Variants in PCCA observed in about 807,000 individuals in gnomAD.
The protein encoded by PCCA is propionyl-CoA carboxylase subunit alpha.
PCCA carries 74 observed loss-of-function variants against 101.3 expected under a neutral mutation model. The ratio of observed to expected loss-of-function variants is 0.73; its 90% confidence interval spans 0.61 to 0.89. PCCA has a LOEUF of 0.89. Among genes scored for constraint, PCCA ranks in the 40% least tolerant of loss-of-function variants. The pLI is 0.00. For synonymous variants in PCCA, 294 were observed against 313.6 expected, an observed-to-expected ratio of 0.94 and a Z score of 0.66; for missense variants, 891 against 907.0, an observed-to-expected ratio of 0.98 and a Z score of 0.23.
At chr13:100,380,065 A>T (rs1399612029) in intron 19 of PCCA, among the ~76,000 whole-genome samples, 2 of 152,132 alleles carry the variant, frequency 1.3e-5, no homozygotes, top group Non-Finnish European at 2.9e-5. Context: ...ACACACACGA[A>T]AAAACAAAAA....
At chr13:100,147,809 T>A (rs2052763194) in intron 4 of PCCA, among the ~76,000 whole-genome samples, 1 of 152,228 alleles carries the variant, frequency 6.6e-6, no homozygotes, top group Admixed American at 6.5e-5. Flanking sequence ...AGTGACATTC[T>A]TCAAATGTAT....
chr13:100,372,031 C>T (rs1268552754), intron 19 of PCCA, among the ~76,000 whole-genome samples: 1 of 152,146 alleles, frequency 6.6e-6, no homozygotes, highest in Non-Finnish European at 1.5e-5. Flanking sequence ...AGAGCTAATG[C>T]TATAAAATTC....
intron 19 of PCCA, among the ~76,000 whole-genome samples, chr13:100,416,804 C>T (rs563343791): frequency 5.9e-5 from 9 of 151,566 alleles, no homozygotes; most frequent in African/African-American, 1.5e-4. Flanking sequence ...ATTACAGGTG[C>T]GTGAGCCACC....
chr13:100,333,244 G>A (rs2069917751), intron 17 of PCCA, among the ~76,000 whole-genome samples: 1 of 152,130 alleles, frequency 6.6e-6, no homozygotes, highest in African/African-American at 2.4e-5. Context: ...TCTTTTGACT[G>A]TTTGATATAT....
chr13:100,154,707 A>C, intron 4 of PCCA: 1 of 411,282 alleles, frequency 2.4e-6, no homozygotes, highest in Non-Finnish European at 4.5e-6. Context: ...AGGAAGCTAA[A>C]ATTGTTTGCT....
At chr13:100,242,251 G>A (rs2061184363) in intron 8 of PCCA, among the ~76,000 whole-genome samples, 1 of 152,190 alleles carries the variant, frequency 6.6e-6, no homozygotes, top group Non-Finnish European at 1.5e-5. Context: ...GTAACCAAAA[G>A]AGAGCTGGGG....
At chr13:100,118,705 C>T (rs372259252) in intron 4 of PCCA, among the ~76,000 whole-genome samples, 116 of 152,116 alleles carry the variant, frequency 7.6e-4, no homozygotes, top group African/African-American at 1.8e-3. Context: ...CATGCCACCA[C>T]GCCTGGCTGA....
At chr13:100,119,387 G>A (rs2049140622) in intron 4 of PCCA, among the ~76,000 whole-genome samples, 1 of 152,056 alleles carries the variant, frequency 6.6e-6, no homozygotes, top group South Asian at 2.1e-4. Flanking sequence ...TTTCAAGATG[G>A]TTTGGGTTAT....
intron 15 of PCCA, among the ~76,000 whole-genome samples, chr13:100,308,947 T>C (rs1199021770): frequency 1.3e-5 from 2 of 152,224 alleles, no homozygotes; most frequent in Admixed American, 1.3e-4. Flanking sequence ...CACTAAATCA[T>C]GTAGAATAGT....
intron 12 of PCCA, among the ~76,000 whole-genome samples, chr13:100,292,833 A>G (rs1388086705): frequency 1.3e-5 from 2 of 152,126 alleles, no homozygotes; most frequent in African/African-American, 4.8e-5. Context: ...TGGAAACTGA[A>G]ATCTTCCAAA....
At chr13:100,204,078 A>G (rs1324846096) in intron 6 of PCCA, among the ~76,000 whole-genome samples, 1 of 151,648 alleles carries the variant, frequency 6.6e-6, no homozygotes, top group Non-Finnish European at 1.5e-5. Context: ...ATCATGGAAT[A>G]GTATTAAAAA....
chr13:100,162,108 GTGTC>G (rs907964062), intron 6 of PCCA, among the ~76,000 whole-genome samples: 26 of 133,070 alleles, frequency 2.0e-4, no homozygotes, highest in Non-Finnish European at 2.6e-4. Flanking sequence ...GTGTGTGTGT[GTGTC>G]TGTCTGTCTG....
chr13:100,125,721 T>C (rs187112453), intron 4 of PCCA, among the ~76,000 whole-genome samples: 1 of 152,214 alleles, frequency 6.6e-6, no homozygotes, highest in African/African-American at 2.4e-5. Context: ...TTTCTTTTAT[T>C]GTCTTTGGAA....
At chr13:100,389,277 A>G (rs1320768973) in intron 19 of PCCA, among the ~76,000 whole-genome samples, 2 of 152,204 alleles carry the variant, frequency 1.3e-5, no homozygotes, top group Non-Finnish European at 2.9e-5. Flanking sequence ...GGAAGGAGTC[A>G]GAGTTTGAAG....
intron 4 of PCCA, among the ~76,000 whole-genome samples, chr13:100,128,654 C>G (rs2050193247): frequency 6.6e-6 from 1 of 152,162 alleles, no homozygotes; most frequent in Non-Finnish European, 1.5e-5. Flanking sequence ...CCTCAGTACT[C>G]TACTATAGAG....
At chr13:100,249,045 T>C (rs1310096379) in intron 8 of PCCA, among the ~76,000 whole-genome samples, 2 of 152,208 alleles carry the variant, frequency 1.3e-5, no homozygotes, top group Admixed American at 1.3e-4. Context: ...TCAGCCACCA[T>C]GCCCGGCTGT....
At chr13:100,358,063 T>A (rs951252534) in intron 18 of PCCA, among the ~76,000 whole-genome samples, 5 of 152,240 alleles carry the variant, frequency 3.3e-5, no homozygotes. Flanking sequence ...TTGAGGTACT[T>A]GTAAACACCT....
rs140641978 is a variant in PCCA at position 100,268,082 on chromosome 13, G to A, written c.820-607G>A. Among the ~76,000 whole-genome samples, 283 of 152,202 alleles carry A rather than the reference G, an allele frequency of 1.9e-3. 1 individual carries two copies. Among genetic ancestry groups the A allele is most frequent in the African/African-American group, 6.5e-3 (269 of 41,532 alleles). On this transcript the variant is annotated intron_variant, in intron 10 of 23. Coordinates refer to ENST00000376285, the MANE Select transcript of PCCA (RefSeq NM_000282.4). ...GCTCCAGTGACTGTTTCCTTTGAGCGTGATGTCAAAAAATTTCAGCTTTTG... is the reference window on the plus strand; with the variant it reads ...GCTCCAGTGACTGTTTCCTTTGAGCATGATGTCAAAAAATTTCAGCTTTTG...
chr13:100,439,460 C>G (rs934501775), intron 20 of PCCA, among the ~76,000 whole-genome samples: 8 of 152,134 alleles, frequency 5.3e-5, no homozygotes, highest in Non-Finnish European at 8.8e-5. Context: ...CTCTGTTTTC[C>G]TCACAAACCC....
Sources: allele counts gnomAD v4.1 joint callset (sites outside exome capture counted in the v4.1 genomes callset), GRCh38; gene constraint gnomAD v4.1.1; transcripts MANE v1.5; gene names NCBI Gene and HGNC (gene_info 2026-07-23, HGNC 2026-07-21).